PCDHGA4: variants seen among roughly 807,000 people sequenced by gnomAD.
PCDHGA4 encodes protocadherin gamma-A4.
Under a neutral mutation model 54.6 loss-of-function variants are expected in PCDHGA4, and 38 were observed. The ratio of observed to expected loss-of-function variants is 0.70; its 90% CI spans 0.54 to 0.91. The LOEUF (loss-of-function observed/expected upper bound fraction) is 0.91. Ranked by LOEUF, PCDHGA4 falls within the 40% of genes least tolerant of loss-of-function variation. The pLI is 0.00. For synonymous variants in PCDHGA4, 511 were observed against 512.9 expected (o/e 1.00, Z 0.05); for missense variants, 1,298 against 1,220.9 (o/e 1.06, Z -0.94).
intron 1 of PCDHGA4, chr5:141,393,958 T>C: frequency 6.2e-7 from 1 of 1,613,966 alleles, no homozygotes; most frequent in East Asian, 2.2e-5. Flanking sequence ...AATGGTCAAG[T>C]TGTCTGTTAC....
chr5:141,489,951 T>C lies in PCDHGA4; in HGVS notation c.2515-4856T>C. On this transcript the variant is annotated intron_variant, in intron 1 of 3. Coordinates refer to ENST00000571252, the MANE Select transcript of PCDHGA4 (RefSeq NM_018917.4). The surrounding 1 kb of genome is among the most constrained non-coding windows in gnomAD (Gnocchi z 4.5). ...CTGTCATCGTGCTGGACATCAATGATAATGCTCCAACCTTCCAATCCTCAG... is the reference window on the plus strand; with the variant it reads ...CTGTCATCGTGCTGGACATCAATGACAATGCTCCAACCTTCCAATCCTCAG... 6.2e-7 allele frequency: 1 copy of C among 1,614,210 alleles called. No homozygotes were observed. Among genetic ancestry groups the C allele is most frequent in the Non-Finnish European group, 8.5e-7 (1 of 1,180,032 alleles).
At chr5:141,371,849 C>T (rs1323132095) in intron 1 of PCDHGA4, 2 of 1,613,542 alleles carry the variant, frequency 1.2e-6, no homozygotes, top group Admixed American at 1.7e-5. Flanking sequence ...GACCTAATGG[C>T]CTTGTCTCCT....
intron 1 of PCDHGA4, chr5:141,399,203 G>A: frequency 6.2e-7 from 1 of 1,613,940 alleles, no homozygotes. Flanking sequence ...GCGGTGCCTG[G>A]AACACTAATT....
intron 1 of PCDHGA4, chr5:141,426,906 C>T (rs2096969568): frequency 4.4e-6 from 2 of 456,654 alleles, no homozygotes; most frequent in Admixed American, 2.3e-5. Context: ...CTCTCATCTC[C>T]TGGTCCTGGA....
intron 1 of PCDHGA4, chr5:141,441,954 CA>C (rs1240871171): frequency 3.1e-6 from 1 of 319,488 alleles, no homozygotes; most frequent in Non-Finnish European, 6.0e-6. Flanking sequence ...TGCAGGCCAG[CA>C]AGCCCAGGCT....
rs374049261 is a variant in PCDHGA4, at chr5:141,393,657, C to T, written c.2514+36036C>T. ...CAACGGAAAAGTGGCATACAAATTC[C>T]GGAAAATTAATGAAAAACAAACTCC... On this transcript the variant is annotated intron_variant, in intron 1 of 3. Coordinates refer to ENST00000571252, the MANE Select transcript of PCDHGA4 (RefSeq NM_018917.4). The T allele has an allele frequency of 3.5e-5, 57 of 1,613,744 alleles. No individual in the cohort carries two copies. In the African/African-American group the frequency reaches 6.5e-4, roughly 19 times the overall value.
At chr5:141,361,570 C>A in intron 1 of PCDHGA4, 1 of 1,614,036 alleles carries the variant, frequency 6.2e-7, no homozygotes. Context: ...TGCCTCTGAC[C>A]CTGACTTGGG....
At chr5:141,437,011 T>C (rs2097858173) in intron 1 of PCDHGA4, among the ~76,000 whole-genome samples, 1 of 152,236 alleles carries the variant, frequency 6.6e-6, no homozygotes, top group Non-Finnish European at 1.5e-5. Flanking sequence ...GGATCTTAGA[T>C]AATTTCACCA....
At chr5:141,360,185 T>C in intron 1 of PCDHGA4, 2 of 1,611,370 alleles carry the variant, frequency 1.2e-6, no homozygotes, top group Non-Finnish European at 1.7e-6. Context: ...CTGCAGGTAC[T>C]GTTGCCCTTC....
chr5:141,486,909 C>A lies in PCDHGA4; in HGVS notation c.2515-7898C>A, dbSNP rs759702188. On this transcript the variant is annotated intron_variant, in intron 1 of 3. Coordinates refer to ENST00000571252, the MANE Select transcript of PCDHGA4 (RefSeq NM_018917.4). The surrounding 1 kb of genome is among the most constrained non-coding windows in gnomAD (Gnocchi z 5.0). ...CGGCCTGGTTCCTTATGTCCCCAAGCACTGCCTCCATCAGTTGGTGCTGGC... is the reference window on the plus strand; with the variant it reads ...CGGCCTGGTTCCTTATGTCCCCAAGAACTGCCTCCATCAGTTGGTGCTGGC... 3.1e-6 allele frequency: 5 copies of A among 1,614,262 alleles called. No individual in the cohort carries two copies. The East Asian group carries it at 1.1e-4, about 36-fold the overall frequency.
intron 1 of PCDHGA4, chr5:141,375,524 G>A (rs746416710): frequency 1.9e-6 from 3 of 1,613,986 alleles, no homozygotes; most frequent in Middle Eastern, 1.6e-4. Flanking sequence ...GGACCCTGAC[G>A]TGGACCAGAA....
At chr5:141,451,049 C>T (rs538627151) in intron 1 of PCDHGA4, among the ~76,000 whole-genome samples, 1 of 151,422 alleles carries the variant, frequency 6.6e-6, no homozygotes, top group African/African-American at 2.4e-5. Context: ...AGGCTGGTCT[C>T]GAACTCCTGA....
At position 141,389,566 on chromosome 5, in the gene PCDHGA4, T is replaced by A. The variant is rs757362223; in HGVS notation, c.2514+31945T>A. On this transcript the variant is annotated intron_variant, in intron 1 of 3. Transcript: ENST00000571252. ...CGCAACGACAATGCGCCACGGGTGC[T>A]GTACCCCGCGCTGGGTCCCGACGGC... The A allele has an allele frequency of 3.2e-5, 52 of 1,613,278 alleles. No homozygotes were observed. The Middle Eastern group carries it at 6.6e-4, about 21-fold the overall frequency.
At chr5:141,414,629 G>A (rs2095766704) in intron 1 of PCDHGA4, 2 of 1,613,882 alleles carry the variant, frequency 1.2e-6, no homozygotes, top group Non-Finnish European at 1.7e-6. Context: ...GACCCGGACA[G>A]CAAAGAGAAT....
At chr5:141,471,422 A>T (rs919676109) in intron 1 of PCDHGA4, 5 of 152,176 alleles carry the variant, frequency 3.3e-5, no homozygotes, top group Non-Finnish European at 5.9e-5. Context: ...GTTTTTAGCA[A>T]GGAAAGTGTA....
At position 141,404,694 on chromosome 5, in the gene PCDHGA4, C is replaced by T. The variant is rs749803871; in HGVS notation, c.2514+47073C>T. 10 of 1,614,116 alleles carry T rather than the reference C, an allele frequency of 6.2e-6. No homozygotes were observed. The East Asian group carries it at 2.0e-4, about 32-fold the overall frequency. ...ACTGGTGTGGAGCTGGCACCCCGCT[C>T]TGCAGAGCCTGGCTACCTGGTGACC... On this transcript the variant is annotated intron_variant, in intron 1 of 3. Coordinates refer to ENST00000571252, the MANE Select transcript of PCDHGA4 (RefSeq NM_018917.4).
Position 141,405,346 on chromosome 5 carries a change from G to T in PCDHGA4, c.2514+47725G>T, listed in dbSNP as rs184640789. 60 of 1,614,108 alleles carry T rather than the reference G, an allele frequency of 3.7e-5. No individual in the cohort carries two copies. The East Asian group carries it at 1.3e-3, about 35-fold the overall frequency. The stretch of plus-strand genomic sequence containing the variant: ...CTTTGTGCGTCTCTGTTGATTCCAA[G>T]TTTCCTATAGAAGACACCCCTTTGG... On this transcript the variant is annotated intron_variant, in intron 1 of 3. Transcript: ENST00000571252.
At chr5:141,357,699 T>G in intron 1 of PCDHGA4, 78 bp downstream of exon 1, 1 of 1,511,918 alleles carries the variant, frequency 6.6e-7, no homozygotes, top group Non-Finnish European at 8.9e-7. Flanking sequence ...ATTTTATATG[T>G]AATATATCAA....
chr5:141,494,613 G>A (rs2099755672), intron 1 of PCDHGA4, among the ~76,000 whole-genome samples, 194 bp from the exon 2 acceptor site: 1 of 152,136 alleles, frequency 6.6e-6, no homozygotes, highest in Non-Finnish European at 1.5e-5. Context: ...TTATCTCTTG[G>A]TTTCTGGTAC....
Sources: gnomAD v4.1 joint callset for allele counts (sites outside exome capture counted in the v4.1 genomes callset) on GRCh38, gnomAD v4.1.1 for gene constraint, Gnocchi (gnomAD v3.1) non-coding constraint, MANE v1.5 for transcripts, NCBI Gene and HGNC (gene_info 2026-07-23, HGNC 2026-07-21) for gene names.